HEATR4: variants seen among roughly 807,000 people sequenced by gnomAD.
HEATR4 encodes HEAT repeat-containing protein 4.
Under a neutral mutation model 108.8 loss-of-function variants are expected in HEATR4, and 95 were observed. The observed-to-expected ratio is 0.87, with a 90% CI of 0.74 to 1.04. The LOEUF (loss-of-function observed/expected upper bound fraction) is 1.04, where lower values mean the gene tolerates loss of function less well. Ranked by LOEUF, HEATR4 falls within the 50% of genes least tolerant of loss-of-function variation. HEATR4 has a pLI of 0.00. For missense variants in HEATR4, 1,152 were observed against 1,253.8 expected, an observed-to-expected ratio of 0.92 and a Z score of 1.23; for synonymous variants, 443 against 459.4, an observed-to-expected ratio of 0.96 and a Z score of 0.46.
chr14:73,491,105 C>G (rs2140247860), intron 17 of HEATR4: 1 of 1,606,214 alleles, frequency 6.2e-7, no homozygotes, highest in Non-Finnish European at 8.5e-7. Flanking sequence ...CGGGTCGGTC[C>G]TGGCCCTGCC....
intron 2 of HEATR4, among the ~76,000 whole-genome samples, chr14:73,527,961 CAAAA>C (rs34109465): frequency 1.9e-4 from 10 of 52,690 alleles, no homozygotes; most frequent in South Asian, 7.5e-4. Flanking sequence ...AACTCCATCT[CAAAA>C]AAAAAAAAAA....
At chr14:73,569,666 G>T in the HEATR4 span, 84,233 of 1,607,348 alleles carry the variant, frequency 0.052, 3,236 homozygotes, top group Admixed American at 0.09. Flanking sequence ...CCATGGGGCT[G>T]CTCTGGGCCT....
the HEATR4 span, among the ~76,000 whole-genome samples, chr14:73,613,707 G>T: frequency 2.6e-5 from 4 of 152,130 alleles, no homozygotes; most frequent in Non-Finnish European, 5.9e-5. Context: ...CAGAGATGCT[G>T]CTAAACATTC....
In HEATR4 at chr14:73,540,834, C is replaced by T. The variant is rs1295532083; in HGVS notation, c.-151-10590G>A. Among the ~76,000 whole-genome samples the T allele has an allele frequency of 9.2e-5, 10 of 109,268 alleles. No individual in the cohort carries two copies. The South Asian group carries it at 2.0e-3, about 22-fold the overall frequency. The allele number at this position is 109,268 out of a possible 152,430, so 71.7% of individuals were successfully genotyped here. On this transcript the variant is annotated intron_variant, in intron 1 of 17. Coordinates refer to ENST00000553558, the MANE Select transcript of HEATR4 (RefSeq NM_001220484.1). ...TTGGCTCACTGCAACCTCCAACTCC[C>T]GGGTTCAAGCGATTCTCCTCCCTCA...
At position 73,535,462 on chromosome 14, in the gene HEATR4, CTTCTTTCTTTTTTTTTTTTTTTT is replaced by C. The variant is rs1406243091; in HGVS notation, c.-151-5241_-151-5219del. Among the ~76,000 whole-genome samples the C allele has an allele frequency of 1.9e-4, 11 of 59,332 alleles. 2 individuals carry two copies. Among genetic ancestry groups the C allele is most frequent in the Admixed American group, 7.4e-4 (3 of 4,070 alleles). 38.9% of individuals were successfully genotyped at this position (59,332 alleles called of 152,430 possible). A position where few individuals can be genotyped will look rare whatever the true frequency, so the allele number is the denominator to read the frequency against. ...CCCTCTCCCTTTTTCTTTTCTTTTTCTTCTTTCTTTTTTTTTTTTTTTTTTTTTTTTTTTTTTTTTTTTTTGCC... is the reference window on the plus strand; with the variant it reads ...CCCTCTCCCTTTTTCTTTTCTTTTTCTTTTTTTTTTTTTTTTTTTTTTGCC... On this transcript the variant is annotated intron_variant, in intron 1 of 17. Coordinates refer to ENST00000553558, the MANE Select transcript of HEATR4 (RefSeq NM_001220484.1).
intron 10 of HEATR4, among the ~76,000 whole-genome samples, chr14:73,506,043 A>G (rs559606311): frequency 1.6e-4 from 25 of 151,994 alleles, no homozygotes; most frequent in Middle Eastern, 3.4e-3. Flanking sequence ...GGCGCGTGCC[A>G]CCACACTCTG....
the HEATR4 span, among the ~76,000 whole-genome samples, chr14:73,604,363 C>T: frequency 2.0e-5 from 3 of 151,184 alleles, no homozygotes; most frequent in Admixed American, 2.0e-4. Flanking sequence ...TAGGGCTTCA[C>T]CATGTTGGCC....
chr14:73,508,112 T>C, intron 9 of HEATR4, 22 bp downstream of exon 9: 1 of 1,611,184 alleles, frequency 6.2e-7, no homozygotes, highest in Non-Finnish European at 8.5e-7. Context: ...AAACTGTGTC[T>C]GACCCGGTAA....
chr14:73,496,739 G>T, intron 14 of HEATR4, 60 bp from the exon 15 acceptor site: 1 of 931,580 alleles, frequency 1.1e-6, no homozygotes, highest in Non-Finnish European at 1.8e-6. Context: ...AAGTATGGGG[G>T]TAGAAAATAT....
the HEATR4 span, among the ~76,000 whole-genome samples, chr14:73,622,393 G>A: frequency 6.6e-6 from 1 of 151,992 alleles, no homozygotes; most frequent in Admixed American, 6.6e-5. Context: ...ACTGTATGTG[G>A]CCACCTGTCT....
intron 16 of HEATR4, among the ~76,000 whole-genome samples, chr14:73,494,057 G>T (rs940434903): frequency 2.0e-5 from 3 of 152,178 alleles, no homozygotes. Context: ...ACCTAGTTGT[G>T]CCTTCATAGA....
At chr14:73,614,201 A>AAACAAC in the HEATR4 span, among the ~76,000 whole-genome samples, 1 of 151,902 alleles carries the variant, frequency 6.6e-6, no homozygotes, top group Admixed American at 6.6e-5. Context: ...ACCCTGCCTC[A>AAACAAC]AACAACAACA....
At chr14:73,605,003 A>G in the HEATR4 span, among the ~76,000 whole-genome samples, 4 of 152,148 alleles carry the variant, frequency 2.6e-5, no homozygotes, top group Non-Finnish European at 4.4e-5. Flanking sequence ...GTTTTTCCCA[A>G]TGAGTCCCAG....
chr14:73,527,961 CAAAAA>C (rs34109465), intron 2 of HEATR4, among the ~76,000 whole-genome samples: 2 of 52,678 alleles, frequency 3.8e-5, no homozygotes, highest in African/African-American at 7.2e-5. Context: ...AACTCCATCT[CAAAAA>C]AAAAAAAAAA....
the HEATR4 span, among the ~76,000 whole-genome samples, chr14:73,614,444 A>G: frequency 6.6e-6 from 1 of 152,144 alleles, no homozygotes; most frequent in African/African-American, 2.4e-5. Flanking sequence ...GAGCTCAATA[A>G]ATCATACTGA....
the HEATR4 span, among the ~76,000 whole-genome samples, chr14:73,590,550 C>G: frequency 6.6e-6 from 1 of 152,224 alleles, no homozygotes; most frequent in African/African-American, 2.4e-5. Context: ...GTTGAGGAGG[C>G]TCGGACCGCG....
chr14:73,605,745 A>G, the HEATR4 span, among the ~76,000 whole-genome samples: 2 of 151,392 alleles, frequency 1.3e-5, no homozygotes, highest in African/African-American at 4.9e-5. Context: ...TAATTTTTGC[A>G]TTTTTAGTAG....
the HEATR4 span, among the ~76,000 whole-genome samples, chr14:73,629,556 G>T: frequency 6.6e-6 from 1 of 152,220 alleles, no homozygotes; most frequent in Non-Finnish European, 1.5e-5. Context: ...GAGACTGGAA[G>T]AGTGCAGAGC....
At chr14:73,517,938 T>G (rs925644733) in intron 5 of HEATR4, among the ~76,000 whole-genome samples, 1 of 151,916 alleles carries the variant, frequency 6.6e-6, no homozygotes, top group Admixed American at 6.6e-5. Flanking sequence ...ATACAAAAAT[T>G]AGCTGGGTGT....
Sources: allele counts gnomAD v4.1 joint callset (sites outside exome capture counted in the v4.1 genomes callset), GRCh38; gene constraint gnomAD v4.1.1; transcripts MANE v1.5; gene names NCBI Gene and HGNC (gene_info 2026-07-23, HGNC 2026-07-21).